The following SH3BP4 variants were observed in gnomAD, a reference collection of about 807,000 sequenced individuals.
The protein encoded by SH3BP4 is SH3 domain-binding protein 4.
SH3BP4 carries 33 observed loss-of-function variants against 65.5 expected under a neutral mutation model. That is an observed-to-expected ratio of 0.50 (90% CI 0.38 to 0.67). The LOEUF (loss-of-function observed/expected upper bound fraction) is 0.67, where lower values mean the gene tolerates loss of function less well. Ranked by LOEUF, SH3BP4 falls within the 30% of genes least tolerant of loss-of-function variation. The pLI is 0.00. For synonymous variants in SH3BP4, 552 were observed against 545.5 expected (o/e 1.01, Z -0.17); for missense variants, 1,134 against 1,261.4 (o/e 0.90, Z 1.53).
intron 1 of SH3BP4, chr2:234,994,381 G>C (rs564998784): frequency 3.9e-5 from 6 of 152,384 alleles, no homozygotes; most frequent in Admixed American, 3.9e-4. Context: ...GGCCATGATT[G>C]AGGGAAGGTG....
intron 2 of SH3BP4, among the ~76,000 whole-genome samples, chr2:235,007,705 C>T (rs575180525): frequency 6.6e-6 from 1 of 152,102 alleles, no homozygotes; most frequent in Non-Finnish European, 1.5e-5. Context: ...AGAGACCAGG[C>T]GTGCAGTGCT....
At position 235,003,781 on chromosome 2, in the gene SH3BP4, G is replaced by C. The variant is rs572040174; in HGVS notation, c.-133+8405G>C. ...TGATGGTGACAGAGGCTGGAGGCTG[G>C]GGGGCTTGCAGTGTCTGTATCCAGT... On this transcript the variant is annotated intron_variant, in intron 2 of 5. Coordinates refer to ENST00000392011, the MANE Select transcript of SH3BP4 (RefSeq NM_014521.3). Among the ~76,000 whole-genome samples, 544 of 152,336 alleles carry C rather than the reference G, an allele frequency of 3.6e-3. 2 individuals carry two copies. Among genetic ancestry groups the C allele is most frequent in the African/African-American group, 0.013 (528 of 41,584 alleles).
chr2:234,963,204 C>T (rs1273635847), intron 1 of SH3BP4, among the ~76,000 whole-genome samples: 2 of 152,166 alleles, frequency 1.3e-5, no homozygotes, highest in African/African-American at 2.4e-5. Flanking sequence ...ATAGACACTT[C>T]CCAGTTATTT....
intron 2 of SH3BP4, among the ~76,000 whole-genome samples, chr2:235,018,541 A>G (rs959424301): frequency 6.6e-6 from 1 of 152,170 alleles, no homozygotes; most frequent in Admixed American, 6.5e-5. Flanking sequence ...CCACCCCTCC[A>G]TGATCTTTGC....
rs768974733 is a variant in SH3BP4 at position 235,041,170 on chromosome 2, A to C, written c.401A>C (p.Glu134Ala). The change falls in exon 4 of 6, where the codon GAG becomes GCG. Residue 134 changes from glutamate to alanine, a missense_variant. By Grantham distance (107) the Glu-to-Ala change is moderately radical. Transcript: ENST00000392011. The surrounding 1 kb of genome is among the most constrained non-coding windows in gnomAD (Gnocchi z 6.0). ...MIDNLPDSPD[E>A]VAKELELLGG... The stretch of plus-strand genomic sequence containing the variant: ...GATAATCTTCCAGACAGCCCAGACG[A>C]GGTAGCCAAGGAGCTGGAGCTGCTC... The C allele has an allele frequency of 1.2e-6, 2 of 1,614,174 alleles. No homozygotes were observed. Among genetic ancestry groups the C allele is most frequent in the Non-Finnish European group, 1.7e-6 (2 of 1,180,034 alleles).
chr2:235,009,750 T>G (rs1277947681), intron 2 of SH3BP4, among the ~76,000 whole-genome samples: 1 of 152,156 alleles, frequency 6.6e-6, no homozygotes, highest in Non-Finnish European at 1.5e-5. Context: ...CAGAGCCATG[T>G]GTTTGCTCCT....
In SH3BP4 at chr2:234,953,987, C is replaced by T. The variant is rs577091091; in HGVS notation, c.-207+1817C>T. ...GGCGGGACCCCAGATTGCCCACTGC[C>T]TGATGTTTGTGGGTCTGTGGAATGC... On this transcript the variant is annotated intron_variant, in intron 1 of 5. Transcript: ENST00000392011. Among the ~76,000 whole-genome samples, 142 of 151,920 alleles carry T rather than the reference C, an allele frequency of 9.3e-4. 2 individuals carry two copies. The highest frequency in any genetic ancestry group is 3.3e-3 in the African/African-American group (137 of 41,422).
chr2:235,042,652 A>C lies in SH3BP4; in HGVS notation c.1883A>C (p.Lys628Thr). Residue 628 changes from lysine (K) to threonine (T), a missense_variant, in exon 4 of 6, where the codon AAG becomes ACG. Coordinates refer to ENST00000392011, the MANE Select transcript of SH3BP4 (RefSeq NM_014521.3). This position sits in a 1 kb window ranked among gnomAD's most constrained non-coding sequence, Gnocchi z 7.3. ...KPSGQRRFLK[K>T]NEVGKIILSP... ...TCCGGGCAAAGGAGGTTTCTCAAGA[A>C]GAACGAAGTCGGGAAAATCATCCTG... The C allele has an allele frequency of 1.2e-6, 2 of 1,614,150 alleles. No homozygotes were observed. The highest frequency in any genetic ancestry group is 1.7e-6 in the Non-Finnish European group (2 of 1,180,042).
At chr2:234,995,443 A>C (rs1693883012) in intron 2 of SH3BP4, 67 bp downstream of exon 2, 1 of 152,220 alleles carries the variant, frequency 6.6e-6, no homozygotes, top group Non-Finnish European at 1.5e-5. Flanking sequence ...GTCATGACCA[A>C]GGTGCCGGAC....
chr2:235,016,665 T>C (rs1441828329), intron 2 of SH3BP4, among the ~76,000 whole-genome samples: 2 of 152,130 alleles, frequency 1.3e-5, no homozygotes, highest in Admixed American at 6.5e-5. Flanking sequence ...CACACCACCA[T>C]GCTCAGCTAA....
At chr2:235,040,525 T>C (rs894203587) in intron 3 of SH3BP4, among the ~76,000 whole-genome samples, 1 of 150,988 alleles carries the variant, frequency 6.6e-6, no homozygotes, top group Non-Finnish European at 1.5e-5. Flanking sequence ...TCAGTTTCTC[T>C]TTGTATCTAG....
chr2:235,013,394 C>G (rs1281389666), intron 2 of SH3BP4, among the ~76,000 whole-genome samples: 3 of 152,220 alleles, frequency 2.0e-5, no homozygotes, highest in Non-Finnish European at 4.4e-5. Flanking sequence ...TCCCAGCACT[C>G]CTGCAGGCTG....
intron 2 of SH3BP4, among the ~76,000 whole-genome samples, chr2:235,024,112 A>C (rs1475238214): frequency 6.6e-6 from 1 of 152,222 alleles, no homozygotes; most frequent in Non-Finnish European, 1.5e-5. Flanking sequence ...TTCAGTAAGG[A>C]AATTCATTCA....
At chr2:234,961,106 C>A (rs556018287) in intron 1 of SH3BP4, among the ~76,000 whole-genome samples, 2 of 152,300 alleles carry the variant, frequency 1.3e-5, no homozygotes, top group East Asian at 1.9e-4. Context: ...CCTGTTATGA[C>A]CTCGGTCACA....
intron 1 of SH3BP4, among the ~76,000 whole-genome samples, chr2:234,980,655 G>T (rs1693348504): frequency 6.6e-6 from 1 of 152,180 alleles, no homozygotes; most frequent in East Asian, 1.9e-4. Flanking sequence ...TGCCAGTCCA[G>T]CTCCACTTCC....
intron 1 of SH3BP4, among the ~76,000 whole-genome samples, chr2:234,969,875 ACACT>A (rs1692936268): frequency 1.3e-5 from 2 of 151,774 alleles, no homozygotes; most frequent in African/African-American, 2.4e-5. Flanking sequence ...TCTCTCTCAC[ACACT>A]CTCGCTGTCT....
chr2:234,993,337 C>G (rs1693811778), intron 1 of SH3BP4, among the ~76,000 whole-genome samples: 1 of 152,322 alleles, frequency 6.6e-6, no homozygotes, highest in African/African-American at 2.4e-5. Flanking sequence ...TGAGGCTGTT[C>G]CCATCTGTCC....
At chr2:235,013,165 G>A (rs1241169688) in intron 2 of SH3BP4, among the ~76,000 whole-genome samples, 1 of 152,224 alleles carries the variant, frequency 6.6e-6, no homozygotes, top group East Asian at 1.9e-4. Flanking sequence ...CCTAAGTGCT[G>A]ACTCGCAAGG....
intron 2 of SH3BP4, among the ~76,000 whole-genome samples, chr2:235,017,710 C>T (rs1485450458): frequency 6.6e-6 from 1 of 152,122 alleles, no homozygotes; most frequent in Non-Finnish European, 1.5e-5. Context: ...CACTGGGTGC[C>T]GTGTGTCAGG....
Sources: allele counts gnomAD v4.1 joint callset (sites outside exome capture counted in the v4.1 genomes callset), GRCh38; gene constraint gnomAD v4.1.1; non-coding constraint Gnocchi (gnomAD v3.1); transcripts MANE v1.5; gene names NCBI Gene and HGNC (gene_info 2026-07-23, HGNC 2026-07-21).